The following ALKBH8 variants were observed in gnomAD, a reference collection of about 807,000 sequenced individuals.
The protein encoded by ALKBH8 is tRNA (carboxymethyluridine(34)-5-O)-methyltransferase ALKBH8.
A neutral mutation model predicts 59.8 loss-of-function variants in ALKBH8; 36 were observed. The ratio of observed to expected loss-of-function variants is 0.60; its 90% CI spans 0.46 to 0.79. The LOEUF is 0.79. Ranked by LOEUF, ALKBH8 falls within the 30% of genes least tolerant of loss-of-function variation. ALKBH8 has a pLI of 0.00. For missense variants in ALKBH8, 768 were observed against 801.0 expected (o/e 0.96, Z 0.50); for synonymous variants, 276 against 273.6 (o/e 1.01, Z -0.09).
At position 107,504,961 on chromosome 11, in the gene ALKBH8, C is replaced by G. The variant is rs1295703825; in HGVS notation, c.1692G>C (p.Gln564His). ...CTTGCCTTGAATTACATCCTCCTTC[C>G]TGAGAGTCATTAATGCGGGGGACAG... ...ASSVPRINDSQEGGCNSRQVS... is the reference protein window; with the variant it reads ...ASSVPRINDSHEGGCNSRQVS... The change falls in exon 12 of 12, where the codon CAG (glutamine) becomes CAC (histidine). Residue 564 changes from glutamine (Q) to histidine (H), a missense_variant. Coordinates refer to ENST00000428149, the MANE Select transcript of ALKBH8 (RefSeq NM_138775.3). The G allele has an allele frequency of 6.4e-7, 1 of 1,551,856 alleles. No homozygotes were observed. Among genetic ancestry groups the G allele is most frequent in the Non-Finnish European group, 8.7e-7 (1 of 1,146,944 alleles).
chr11:107,507,297 T>A (rs1862427508), intron 11 of ALKBH8, among the ~76,000 whole-genome samples: 1 of 152,124 alleles, frequency 6.6e-6, no homozygotes, highest in African/African-American at 2.4e-5. Flanking sequence ...AAGTAGCCCA[T>A]TCAAAATGGC....
At chr11:107,546,119 C>A (rs1038654507) in intron 7 of ALKBH8, among the ~76,000 whole-genome samples, 1 of 152,118 alleles carries the variant, frequency 6.6e-6, no homozygotes, top group Non-Finnish European at 1.5e-5. Context: ...TAAAATTTTT[C>A]TTTAAAAATC....
At chr11:107,553,036 C>A in intron 5 of ALKBH8, 72 bp downstream of exon 5, 3 of 882,884 alleles carry the variant, frequency 3.4e-6, no homozygotes, top group Non-Finnish European at 5.0e-6. Flanking sequence ...AACATAATCC[C>A]CCAACTATCA....
At chr11:107,551,694 C>CAA (rs1204968155) in intron 6 of ALKBH8, 114 bp downstream of exon 6, 443 of 240,772 alleles carry the variant, frequency 1.8e-3, no homozygotes, top group East Asian at 6.5e-3. Flanking sequence ...AACTCCATCT[C>CAA]AAAAAAAAAA....
chr11:107,553,175 T>C lies in ALKBH8; in HGVS notation c.528A>G (p.Val176=), dbSNP rs1864566960. 1.2e-6 allele frequency: 2 copies of C among 1,609,258 alleles called. No homozygotes were observed. Among genetic ancestry groups the C allele is most frequent in the Admixed American group, 1.7e-5 (1 of 59,422 alleles). ...NSQKSLKHRR[V]KHFGYEFHYE... is the part of the protein sequence containing the mutation. ...AGTGGAACTCATAACCAAAATGCTT[T>C]ACTCTTCTGTGTTTTAAGGATTTTT... The change falls in exon 5 of 12, where the codon GTA becomes GTG. Residue 176 remains valine, a synonymous_variant. Transcript: ENST00000428149.
At chr11:107,560,715 T>C (rs1344829694) in intron 2 of ALKBH8, 50 bp downstream of exon 2, 3 of 1,517,526 alleles carry the variant, frequency 2.0e-6, no homozygotes, top group African/African-American at 2.8e-5. Flanking sequence ...TATAATACAT[T>C]AACATGTCAG....
chr11:107,506,023 A>T (rs1335895723), intron 11 of ALKBH8, among the ~76,000 whole-genome samples: 1 of 152,210 alleles, frequency 6.6e-6, no homozygotes, highest in Non-Finnish European at 1.5e-5. Context: ...AAATTCCAAG[A>T]AACTCAGCAG....
intron 7 of ALKBH8, among the ~76,000 whole-genome samples, chr11:107,541,876 T>C (rs1864048471): frequency 6.6e-6 from 1 of 152,128 alleles, no homozygotes; most frequent in South Asian, 2.1e-4. Flanking sequence ...CTTGAACATT[T>C]CAGCAGGGAA....
intron 6 of ALKBH8, among the ~76,000 whole-genome samples, chr11:107,551,245 C>A (rs555449356): frequency 2.4e-4 from 37 of 151,770 alleles, no homozygotes; most frequent in African/African-American, 6.0e-4. Flanking sequence ...GGGAAACAAA[C>A]AAAAAAAATC....
intron 10 of ALKBH8, among the ~76,000 whole-genome samples, chr11:107,521,827 T>C (rs1761031516): frequency 6.6e-6 from 1 of 152,196 alleles, no homozygotes; most frequent in Admixed American, 6.5e-5. Context: ...TTTTTTCTAC[T>C]ATGAATAAAG....
At chr11:107,536,704 T>C (rs1294306206) in intron 7 of ALKBH8, among the ~76,000 whole-genome samples, 4 of 151,794 alleles carry the variant, frequency 2.6e-5, no homozygotes, top group East Asian at 1.9e-4. Flanking sequence ...GAAGGGTGAG[T>C]GGGAAAGACT....
intron 3 of ALKBH8, among the ~76,000 whole-genome samples, chr11:107,554,281 G>A (rs1197981136): frequency 2.0e-5 from 3 of 152,152 alleles, no homozygotes; most frequent in Non-Finnish European, 2.9e-5. Context: ...TCCACAGTAT[G>A]CATCTCCATT....
chr11:107,541,935 T>C (rs1053289086), intron 7 of ALKBH8, among the ~76,000 whole-genome samples: 1 of 152,058 alleles, frequency 6.6e-6, no homozygotes, highest in Non-Finnish European at 1.5e-5. Flanking sequence ...AAACCAGACA[T>C]TCTAAAACAG....
intron 7 of ALKBH8, among the ~76,000 whole-genome samples, chr11:107,534,518 C>G (rs1366094631): frequency 6.6e-6 from 1 of 152,134 alleles, no homozygotes; most frequent in South Asian, 2.1e-4. Flanking sequence ...AGGCACAATA[C>G]ATACGTATTT....
chr11:107,526,395 T>C lies in ALKBH8; in HGVS notation c.879-803A>G, dbSNP rs576762663. 1.2e-4 allele frequency among the ~76,000 whole-genome samples: 18 copies of C among 152,124 alleles called. 1 individual carries two copies. In the South Asian group the frequency reaches 3.7e-3, roughly 32 times the overall value. ...GATGCTATACATCTTTTCATGTGCT[T>C]ATTAGACACACATAGATCCTTTTTT... On this transcript the variant is annotated intron_variant, in intron 8 of 11. Coordinates refer to ENST00000428149, the MANE Select transcript of ALKBH8 (RefSeq NM_138775.3).
chr11:107,519,003 A>G (rs1321774957), intron 10 of ALKBH8, among the ~76,000 whole-genome samples: 1 of 152,064 alleles, frequency 6.6e-6, no homozygotes, highest in Non-Finnish European at 1.5e-5. Context: ...TGTGATCTTG[A>G]TATGTTGCCC....
chr11:107,503,746 CT>C lies in ALKBH8; in HGVS notation c.*911del, dbSNP rs1414416393. Reference sequence around the variant, plus strand: ...TTAGGTCTGAGTGACCACATTCTAACTTTTGTCATTTAAACAAAGGAGTTAA... The same window carrying C: ...TTAGGTCTGAGTGACCACATTCTAACTTTGTCATTTAAACAAAGGAGTTAA... On this transcript the variant is annotated 3_prime_UTR_variant, in exon 12 of 12. Transcript: ENST00000428149. 6.6e-6 allele frequency: 1 copy of C among 152,166 alleles called. No individual in the cohort carries two copies. Among genetic ancestry groups the C allele is most frequent in the Non-Finnish European group, 1.5e-5 (1 of 68,024 alleles). The allele number at this position is 152,166 out of a possible 1,614,324, so 9.4% of individuals were successfully genotyped here.
intron 10 of ALKBH8, among the ~76,000 whole-genome samples, chr11:107,512,795 T>A (rs1862692988): frequency 1.3e-5 from 2 of 152,310 alleles, no homozygotes; most frequent in Non-Finnish European, 2.9e-5. Context: ...CCTCAGCCCT[T>A]CTGAGAATAA....
intron 7 of ALKBH8, among the ~76,000 whole-genome samples, chr11:107,540,565 C>T (rs1863994331): frequency 6.6e-6 from 1 of 152,210 alleles, no homozygotes; most frequent in African/African-American, 2.4e-5. Flanking sequence ...CACCATTGCA[C>T]ATCCAATATT....
Sources: gnomAD v4.1 joint callset for allele counts (sites outside exome capture counted in the v4.1 genomes callset) on GRCh38, gnomAD v4.1.1 for gene constraint, MANE v1.5 for transcripts, NCBI Gene and HGNC (gene_info 2026-07-23, HGNC 2026-07-21) for gene names.